The following KCNMA1 variants were observed in gnomAD, a reference collection of about 807,000 sequenced individuals.
KCNMA1 encodes the protein Calcium-activated potassium channel subunit alpha-1.
KCNMA1 carries 29 observed loss-of-function variants against 140.0 expected under a neutral mutation model. The ratio of observed to expected loss-of-function variants is 0.21; its 90% CI spans 0.15 to 0.28. KCNMA1 has a LOEUF of 0.28. Among genes scored for constraint, KCNMA1 ranks in the 10% least tolerant of loss-of-function variants. KCNMA1 has a pLI of 1.00. For missense variants in KCNMA1, 880 were observed against 1,602.2 expected (o/e 0.55, Z 7.70); for synonymous variants, 612 against 611.9 (o/e 1.00, Z 0.00).
At chr10:77,209,373 T>C (rs1186148884) in intron 3 of KCNMA1, among the ~76,000 whole-genome samples, 2 of 152,034 alleles carry the variant, frequency 1.3e-5, no homozygotes, top group Admixed American at 1.3e-4. Flanking sequence ...AACAATAGAG[T>C]ATGACATTTA....
intron 1 of KCNMA1, among the ~76,000 whole-genome samples, chr10:77,490,046 T>C (rs866539): frequency 0.18 from 27,856 of 152,148 alleles, 4,443 homozygotes; most frequent in African/African-American, 0.43. Flanking sequence ...TATTATAAGA[T>C]GAGCAGTGTC....
chr10:77,535,548 T>C (rs908812481), intron 1 of KCNMA1, among the ~76,000 whole-genome samples: 3 of 152,198 alleles, frequency 2.0e-5, no homozygotes, highest in Non-Finnish European at 4.4e-5. Flanking sequence ...GCTGGGTATA[T>C]ACCCAAAAGA....
chr10:77,420,386 T>C (rs936647240), intron 1 of KCNMA1, among the ~76,000 whole-genome samples: 3 of 152,232 alleles, frequency 2.0e-5, no homozygotes, highest in Middle Eastern at 3.2e-3. Context: ...ATCCTACACA[T>C]TGTTTAAGAG....
chr10:77,321,722 G>C (rs1362579857), intron 2 of KCNMA1, among the ~76,000 whole-genome samples: 1 of 152,042 alleles, frequency 6.6e-6, no homozygotes. Context: ...AAAGACAACA[G>C]TCCTAGATTT....
intron 2 of KCNMA1, among the ~76,000 whole-genome samples, chr10:77,296,283 G>T (rs1175515202): frequency 1.3e-5 from 2 of 152,104 alleles, no homozygotes; most frequent in African/African-American, 4.8e-5. Context: ...AGGGGCCATG[G>T]ACCAAAAAGT....
At chr10:77,454,873 G>A (rs1193789292) in intron 1 of KCNMA1, among the ~76,000 whole-genome samples, 1 of 152,108 alleles carries the variant, frequency 6.6e-6, no homozygotes, top group Non-Finnish European at 1.5e-5. Context: ...TAGGGCTGTG[G>A]ATCCAAGGCA....
chr10:77,273,903 A>G (rs1373976877), intron 2 of KCNMA1, among the ~76,000 whole-genome samples: 1 of 152,178 alleles, frequency 6.6e-6, no homozygotes, highest in East Asian at 1.9e-4. Flanking sequence ...GGAAGGCACC[A>G]CTTCTAGAAA....
At chr10:77,160,512 G>A (rs77282483) in intron 5 of KCNMA1, among the ~76,000 whole-genome samples, 2,400 of 152,266 alleles carry the variant, frequency 0.016, 38 homozygotes, top group Non-Finnish European at 0.022. Context: ...ACTAATTGGC[G>A]TGCACTGAGG....
intron 19 of KCNMA1, among the ~76,000 whole-genome samples, chr10:76,983,786 T>C (rs143868647): frequency 0.015 from 2,274 of 151,716 alleles, 55 homozygotes; most frequent in African/African-American, 0.052. Context: ...AAGTGAGTCA[T>C]CCTGAGACAT....
chr10:77,088,722 C>A (rs565416356), intron 10 of KCNMA1, among the ~76,000 whole-genome samples: 3 of 152,336 alleles, frequency 2.0e-5, no homozygotes, highest in South Asian at 4.1e-4. Flanking sequence ...AGCAACCACA[C>A]CTTACCAGCT....
intron 2 of KCNMA1, among the ~76,000 whole-genome samples, chr10:77,334,958 A>T (rs1252984482): frequency 6.6e-6 from 1 of 152,096 alleles, no homozygotes; most frequent in South Asian, 2.1e-4. Flanking sequence ...GCACATCTCA[A>T]TTCAGGCTAG....
intron 2 of KCNMA1, among the ~76,000 whole-genome samples, chr10:77,294,222 C>T (rs1160977817): frequency 6.6e-6 from 1 of 152,242 alleles, no homozygotes; most frequent in African/African-American, 2.4e-5. Flanking sequence ...TTTGTCCTGG[C>T]TTCAACTCTG....
At chr10:77,136,413 A>G (rs2098029736) in intron 5 of KCNMA1, among the ~76,000 whole-genome samples, 1 of 152,176 alleles carries the variant, frequency 6.6e-6, no homozygotes, top group South Asian at 2.1e-4. Context: ...AGGAAAAATT[A>G]TTTGTTTAAT....
intron 19 of KCNMA1, among the ~76,000 whole-genome samples, chr10:76,988,932 G>A (rs1592900519): frequency 6.6e-6 from 1 of 152,268 alleles, no homozygotes; most frequent in East Asian, 1.9e-4. Flanking sequence ...TATGCTTCCT[G>A]CTACACGATT....
intron 2 of KCNMA1, among the ~76,000 whole-genome samples, chr10:77,303,184 TC>T (rs1326473895): frequency 6.6e-6 from 1 of 152,178 alleles, no homozygotes; most frequent in African/African-American, 2.4e-5. Flanking sequence ...ATGTTCCTTC[TC>T]CCATTATTCA....
At chr10:77,175,506 C>T (rs938455338) in intron 5 of KCNMA1, among the ~76,000 whole-genome samples, 2 of 152,136 alleles carry the variant, frequency 1.3e-5, no homozygotes, top group African/African-American at 2.4e-5. Context: ...AGGGACATAG[C>T]GAAAAACAAG....
chr10:77,374,039 G>A (rs2094919046), intron 2 of KCNMA1, among the ~76,000 whole-genome samples: 1 of 152,206 alleles, frequency 6.6e-6, no homozygotes, highest in Non-Finnish European at 1.5e-5. Flanking sequence ...CTTGGCATAT[G>A]TCAATGGCTG....
chr10:77,153,097 G>C (rs796283299), intron 5 of KCNMA1, among the ~76,000 whole-genome samples: 1 of 152,118 alleles, frequency 6.6e-6, no homozygotes. Flanking sequence ...ATTAGCATAT[G>C]GAAGGCTCTG....
At chr10:77,473,965 C>T (rs572755407) in intron 1 of KCNMA1, among the ~76,000 whole-genome samples, 3 of 152,156 alleles carry the variant, frequency 2.0e-5, no homozygotes, top group Admixed American at 1.3e-4. Flanking sequence ...TGAACAGGTG[C>T]GCTCCTCCTC....
Sources: gnomAD v4.1 joint callset for allele counts (sites outside exome capture counted in the v4.1 genomes callset) on GRCh38, gnomAD v4.1.1 for gene constraint, MANE v1.5 for transcripts, NCBI Gene and HGNC (gene_info 2026-07-23, HGNC 2026-07-21) for gene names.